The following GSDMC variants were observed in gnomAD, a reference collection of about 807,000 sequenced individuals.
GSDMC encodes gasdermin-C.
In GSDMC, 59 loss-of-function variants were observed where a neutral mutation model predicts 58.0. The ratio of observed to expected loss-of-function variants is 1.02; its 90% CI spans 0.82 to 1.26. GSDMC has a LOEUF of 1.26. Ranked by LOEUF, GSDMC falls within the 50% of genes most tolerant of loss-of-function variation. The pLI is 0.00. For missense variants in GSDMC, 659 were observed against 598.5 expected (o/e 1.10, Z -1.06); for synonymous variants, 241 against 220.2 (o/e 1.09, Z -0.83).
At chr8:129,723,611 T>C in the GSDMC span, among the ~76,000 whole-genome samples, 12 of 152,114 alleles carry the variant, frequency 7.9e-5, no homozygotes, top group Admixed American at 6.6e-4. Flanking sequence ...TGAATTTTAA[T>C]GCCATTGATC....
chr8:129,739,391 G>T, the GSDMC span, among the ~76,000 whole-genome samples: 1 of 152,196 alleles, frequency 6.6e-6, no homozygotes, highest in African/African-American at 2.4e-5. Context: ...AGAAAAAAAT[G>T]CAGAAAAGTT....
chr8:129,785,592 C>A (rs372381890), intron 1 of GSDMC, among the ~76,000 whole-genome samples: 1 of 151,584 alleles, frequency 6.6e-6, no homozygotes, highest in East Asian at 1.9e-4. Flanking sequence ...TGTATTGTTA[C>A]AATTATAACA....
At chr8:129,743,176 A>G in the GSDMC span, among the ~76,000 whole-genome samples, 1 of 152,116 alleles carries the variant, frequency 6.6e-6, no homozygotes, top group African/African-American at 2.4e-5. Context: ...TTAAATTTTC[A>G]GCACGTATTT....
the GSDMC span, among the ~76,000 whole-genome samples, chr8:129,734,174 G>A: frequency 6.6e-6 from 1 of 152,200 alleles, no homozygotes; most frequent in Non-Finnish European, 1.5e-5. Context: ...ATGGGACTAT[G>A]TGAAAAGACC....
chr8:129,738,724 C>A, the GSDMC span, among the ~76,000 whole-genome samples: 1 of 152,038 alleles, frequency 6.6e-6, no homozygotes, highest in African/African-American at 2.4e-5. Flanking sequence ...TTAACGGGTG[C>A]AGCACACCAA....
At position 129,777,470 on chromosome 8, in the gene GSDMC, G is replaced by A. The variant is rs112465762; in HGVS notation, c.118C>T (p.Arg40Ter). ...ATKLRQFVILRKKKDSRSSFW... is the reference protein window; with the variant it reads ...ATKLRQFVIL ...GATGAACGAGAATCCTTCTTCTTTC[G>A]TAATATAACAAACTGACGTAATTTG... The change falls in exon 2 of 14, where the codon CGA becomes TGA. Residue 40 changes from arginine to a stop codon, truncating the protein, a stop_gained. Transcript: ENST00000276708. LOFTEE classifies it high-confidence loss of function. 832 of 1,612,194 alleles carry A rather than the reference G, an allele frequency of 5.2e-4. 4 individuals are homozygous for A. In the African/African-American group the frequency reaches 8.9e-3, roughly 17 times the overall value.
chr8:129,767,373 C>A (rs2033897203), intron 3 of GSDMC, among the ~76,000 whole-genome samples: 7 of 152,088 alleles, frequency 4.6e-5, no homozygotes, highest in Admixed American at 4.6e-4. Flanking sequence ...CAAACAGTGA[C>A]CCTTTCCAAA....
chr8:129,784,880 T>C (rs2034514215), intron 1 of GSDMC, among the ~76,000 whole-genome samples: 1 of 152,134 alleles, frequency 6.6e-6, no homozygotes, highest in African/African-American at 2.4e-5. Context: ...AAACAAAATG[T>C]GGTACATATA....
chr8:129,705,553 G>A, the GSDMC span: 1 of 152,756 alleles, frequency 6.5e-6, no homozygotes, highest in African/African-American at 2.4e-5. Context: ...TTCTTCACAT[G>A]GCAGCAGCAG....
chr8:129,777,704 T>C, intron 1 of GSDMC, 113 bp from the exon 2 acceptor site: 1 of 672,318 alleles, frequency 1.5e-6, no homozygotes, highest in East Asian at 2.5e-5. Context: ...GATTAGCAGG[T>C]CTTTACTTAA....
downstream of GSDMC, among the ~76,000 whole-genome samples, chr8:129,746,689 T>A: frequency 6.6e-6 from 1 of 151,450 alleles, no homozygotes; most frequent in Non-Finnish European, 1.5e-5. Flanking sequence ...ATGCAAAGAG[T>A]TTGGGAAAAT....
intron 6 of GSDMC, 62 bp from the exon 7 acceptor site, chr8:129,752,882 T>G: frequency 6.2e-7 from 1 of 1,609,904 alleles, no homozygotes; most frequent in South Asian, 1.1e-5. Flanking sequence ...TACTGCCTTG[T>G]CATAGCAGAG....
rs1452935950 is a variant in GSDMC, at chr8:129,775,185, T to A, written c.404+917A>T. ...ACCTAAGTGCCTGTCAACAGATGAA[T>A]GGAAAAAGAAATTGTGGTATGTGTA... On this transcript the variant is annotated intron_variant, in intron 3 of 13. Transcript: ENST00000276708. Among the ~76,000 whole-genome samples the A allele has an allele frequency of 3.3e-5, 5 of 152,038 alleles. No homozygotes were observed. In the East Asian group the frequency reaches 9.6e-4, roughly 29 times the overall value.
At position 129,753,165 on chromosome 8, in the gene GSDMC, T is replaced by C. The variant is rs555500402; in HGVS notation, c.722-345A>G. On this transcript the variant is annotated intron_variant, in intron 6 of 13. Coordinates refer to ENST00000276708, the MANE Select transcript of GSDMC (RefSeq NM_031415.3). ...TGACCTAAAGAGACACCAGCTGGGG[T>C]GACTAAAAAAAGGTGCTTGCGCTAC... Among the ~76,000 whole-genome samples the C allele has an allele frequency of 2.0e-4, 30 of 152,120 alleles. No homozygotes were observed. In the South Asian group the frequency reaches 6.0e-3, roughly 31 times the overall value.
intron 3 of GSDMC, among the ~76,000 whole-genome samples, chr8:129,768,909 A>T (rs2033956933): frequency 6.6e-6 from 1 of 152,130 alleles, no homozygotes; most frequent in Admixed American, 6.5e-5. Context: ...TTGAGACCAC[A>T]TCTCTCCAAA....
intron 3 of GSDMC, among the ~76,000 whole-genome samples, chr8:129,767,240 T>C (rs1169363908): frequency 1.3e-5 from 2 of 150,658 alleles, no homozygotes; most frequent in African/African-American, 4.9e-5. Flanking sequence ...TGACCAAGGA[T>C]CCTCCACAAC....
the GSDMC span, among the ~76,000 whole-genome samples, chr8:129,711,802 T>G: frequency 1.1e-4 from 17 of 152,230 alleles, no homozygotes; most frequent in Admixed American, 1.1e-3. Context: ...TTTGAAGTGA[T>G]CATTAGTTAA....
At position 129,786,390 on chromosome 8, in the gene GSDMC, G is replaced by A. The variant is rs1414799611; in HGVS notation, c.-384C>T. 2.0e-5 allele frequency: 3 copies of A among 151,684 alleles called. No homozygotes were observed. Among genetic ancestry groups the A allele is most frequent in the East Asian group, 1.9e-4 (1 of 5,180 alleles). The allele number at this position is 151,684 out of a possible 1,614,324, so 9.4% of individuals were successfully genotyped here. On this transcript the variant is annotated 5_prime_UTR_variant, in exon 1 of 14. Transcript: ENST00000276708. ...CCCTTCCAATCTTCAGACCTCCTGCGGTCAAGTAGAAATTGTCAGACAAAC... is the reference window on the plus strand; with the variant it reads ...CCCTTCCAATCTTCAGACCTCCTGCAGTCAAGTAGAAATTGTCAGACAAAC...
intron 1 of GSDMC, among the ~76,000 whole-genome samples, chr8:129,782,901 TAA>T (rs535189791): frequency 0.015 from 2,144 of 139,502 alleles, 58 homozygotes; most frequent in African/African-American, 0.052. Flanking sequence ...CAAAGAAACT[TAA>T]AAAAAAAAAA....
Sources: allele counts gnomAD v4.1 joint callset (sites outside exome capture counted in the v4.1 genomes callset), GRCh38; gene constraint gnomAD v4.1.1; transcripts MANE v1.5; gene names NCBI Gene and HGNC (gene_info 2026-07-23, HGNC 2026-07-21).